Variants in RARB observed in about 807,000 individuals in gnomAD.
The protein encoded by RARB is retinoic acid receptor beta, also known as HBV-activated protein.
Under a neutral mutation model 51.9 loss-of-function variants are expected in RARB, and 17 were observed. The observed-to-expected ratio is 0.33, with a 90% CI of 0.22 to 0.49. RARB has a LOEUF of 0.49. Ranked by LOEUF, RARB falls within the 20% of genes least tolerant of loss-of-function variation. RARB has a pLI of 0.99. For missense variants in RARB, 369 were observed against 550.8 expected, an observed-to-expected ratio of 0.67 and a Z score of 3.30; for synonymous variants, 215 against 195.4, an observed-to-expected ratio of 1.10 and a Z score of -0.84.
At chr3:24,925,284 C>A (rs1200468951) in intron 2 of RARB, among the ~76,000 whole-genome samples, 3 of 151,932 alleles carry the variant, frequency 2.0e-5, no homozygotes, top group Non-Finnish European at 4.4e-5. Flanking sequence ...ATATGACAAA[C>A]TCCATTATTC....
In RARB at chr3:24,853,247, G is replaced by A. The variant is rs1244543697; in HGVS notation, c.-458-5427G>A. ...CAGGAGAATGGTGTGAACCCGGGAG[G>A]CGGAGCTTGCAGTGAGCCCAGATCG... On this transcript the variant is annotated intron_variant, in intron 1 of 11. Transcript: ENST00000383772. 1.3e-5 allele frequency among the ~76,000 whole-genome samples: 2 copies of A among 152,020 alleles called. 1 individual carries two copies. Among genetic ancestry groups the A allele is most frequent in the Non-Finnish European group, 2.9e-5 (2 of 68,004 alleles).
At chr3:25,356,670 C>T (rs981993331) in intron 5 of RARB, among the ~76,000 whole-genome samples, 5 of 152,090 alleles carry the variant, frequency 3.3e-5, no homozygotes, top group African/African-American at 9.7e-5. Flanking sequence ...CCCTTGCCCC[C>T]CATTCCCTGA....
chr3:25,005,211 A>T (rs532924882), intron 2 of RARB, among the ~76,000 whole-genome samples: 40 of 152,286 alleles, frequency 2.6e-4, no homozygotes, highest in Non-Finnish European at 4.7e-4. Flanking sequence ...GTCTGATCCT[A>T]TACTTGCCTC....
chr3:25,531,388 G>GTAGGTAGA (rs1553628875), intron 3 of RARB, among the ~76,000 whole-genome samples: 1 of 145,330 alleles, frequency 6.9e-6, no homozygotes, highest in East Asian at 2.0e-4. Context: ...AGATAGATAG[G>GTAGGTAGA]TAGATAGATA....
chr3:25,331,099 A>T (rs897378616), intron 5 of RARB, among the ~76,000 whole-genome samples: 1 of 152,204 alleles, frequency 6.6e-6, no homozygotes, highest in Admixed American at 6.5e-5. Context: ...CCCCACTGTC[A>T]ACATTAGACA....
intron 5 of RARB, among the ~76,000 whole-genome samples, chr3:25,228,798 A>C (rs1162910184): frequency 6.6e-6 from 1 of 152,156 alleles, no homozygotes; most frequent in African/African-American, 2.4e-5. Flanking sequence ...TAGCATGGAT[A>C]GTCTCTCACC....
chr3:25,436,993 G>C (rs1413156450), intron 1 of RARB, among the ~76,000 whole-genome samples: 1 of 152,138 alleles, frequency 6.6e-6, no homozygotes, highest in East Asian at 1.9e-4. Context: ...TCTGTAGAAG[G>C]ATTAGAGATC....
chr3:25,223,812 T>A (rs1161124046), intron 5 of RARB, among the ~76,000 whole-genome samples: 1 of 152,232 alleles, frequency 6.6e-6, no homozygotes, highest in African/African-American at 2.4e-5. Context: ...TTCAGATCTA[T>A]TTTTAGCACT....
At chr3:24,996,144 T>C (rs1205369885) in intron 2 of RARB, among the ~76,000 whole-genome samples, 1 of 152,236 alleles carries the variant, frequency 6.6e-6, no homozygotes, top group African/African-American at 2.4e-5. Context: ...TGCCTTGTTA[T>C]TGGTCTGTTC....
chr3:25,391,775 A>G (rs1706966894), intron 5 of RARB, among the ~76,000 whole-genome samples: 1 of 151,942 alleles, frequency 6.6e-6, no homozygotes, highest in South Asian at 2.1e-4. Context: ...AGTTCTTTGT[A>G]GATTCTGGAC....
chr3:24,883,388 G>GTA (rs1220821511), intron 2 of RARB, among the ~76,000 whole-genome samples: 6 of 146,366 alleles, frequency 4.1e-5, no homozygotes, highest in Non-Finnish European at 7.4e-5. Context: ...GTGTGTGTGT[G>GTA]TGTGTGTTTA....
intron 2 of RARB, among the ~76,000 whole-genome samples, chr3:25,043,810 G>A (rs372798857): frequency 9.9e-5 from 15 of 151,318 alleles, no homozygotes; most frequent in Non-Finnish European, 1.8e-4. Context: ...CAGGACCATG[G>A]TAGGAGGTTA....
At chr3:25,190,077 C>T (rs1029507488) in intron 5 of RARB, among the ~76,000 whole-genome samples, 2 of 151,838 alleles carry the variant, frequency 1.3e-5, no homozygotes, top group South Asian at 2.1e-4. Context: ...GTCAATTTAT[C>T]GATTGTGATG....
intron 5 of RARB, among the ~76,000 whole-genome samples, chr3:25,213,474 C>T (rs966482320): frequency 6.6e-6 from 1 of 152,078 alleles, no homozygotes; most frequent in Admixed American, 6.6e-5. Flanking sequence ...ATTGCTTTGA[C>T]ATTTGGGAAG....
chr3:25,238,605 A>C (rs149654013), intron 5 of RARB, among the ~76,000 whole-genome samples: 1 of 152,328 alleles, frequency 6.6e-6, no homozygotes, highest in Non-Finnish European at 1.5e-5. Flanking sequence ...TAGTAGCTGC[A>C]CTACTTTACA....
intron 5 of RARB, among the ~76,000 whole-genome samples, chr3:25,417,246 G>C (rs1007009718): frequency 6.6e-6 from 1 of 150,920 alleles, no homozygotes; most frequent in Non-Finnish European, 1.5e-5. Flanking sequence ...AAGTGTGTGA[G>C]AATGGAAATT....
At chr3:25,055,285 A>G (rs1559449559) in intron 2 of RARB, among the ~76,000 whole-genome samples, 2 of 152,166 alleles carry the variant, frequency 1.3e-5, no homozygotes, top group African/African-American at 4.8e-5. Flanking sequence ...GTTCATTGAC[A>G]GCGGCAGATA....
intron 2 of RARB, among the ~76,000 whole-genome samples, chr3:25,000,617 C>A (rs1295328077): frequency 2.6e-5 from 4 of 152,024 alleles, no homozygotes; most frequent in Non-Finnish European, 5.9e-5. Context: ...TAAGAAAAAT[C>A]TGTTGAGTAT....
At chr3:25,000,051 G>A (rs750865633) in intron 2 of RARB, among the ~76,000 whole-genome samples, 2 of 152,138 alleles carry the variant, frequency 1.3e-5, no homozygotes, top group African/African-American at 2.4e-5. Context: ...TACCAGTTCA[G>A]TGGCAACAGA....
Sources: allele counts gnomAD v4.1 joint callset (sites outside exome capture counted in the v4.1 genomes callset), GRCh38; gene constraint gnomAD v4.1.1; transcripts MANE v1.5; gene names NCBI Gene and HGNC (gene_info 2026-07-23, HGNC 2026-07-21).